USH2A: variants seen among roughly 807,000 people sequenced by gnomAD.
USH2A encodes usherin.
Under a neutral mutation model 538.9 loss-of-function variants are expected in USH2A, and 443 were observed. The observed-to-expected ratio is 0.82, with a 90% confidence interval of 0.76 to 0.89. The LOEUF (loss-of-function observed/expected upper bound fraction) is 0.89. Among genes scored for constraint, USH2A ranks in the 40% least tolerant of loss-of-function variants. The pLI is 0.00. For synonymous variants in USH2A, 2,413 were observed against 2,273.5 expected (o/e 1.06, Z -1.75); for missense variants, 6,633 against 6,324.8 (o/e 1.05, Z -1.65).
chr1:215,701,481 G>A lies in USH2A; in HGVS notation c.12067-21105C>T, dbSNP rs566416237. Among the ~76,000 whole-genome samples, 49 of 152,176 alleles carry A rather than the reference G, an allele frequency of 3.2e-4. 1 individual carries two copies. The highest frequency in any genetic ancestry group is 5.6e-4 in the Non-Finnish European group (38 of 68,036). ...TCTCTTTGCAGGTCTCTAAGAACTT[G>A]CTTTATGAATCTGGGTGCTCCTGTA... is the stretch of plus-strand genomic sequence containing the variant. On this transcript the variant is annotated intron_variant, in intron 61 of 71. Transcript: ENST00000307340.
intron 44 of USH2A, among the ~76,000 whole-genome samples, chr1:215,851,138 G>C (rs374967988): frequency 1.7e-4 from 26 of 152,050 alleles, no homozygotes; most frequent in East Asian, 5.8e-4. Flanking sequence ...CAAGGAACTA[G>C]AGAAACAAGT....
intron 47 of USH2A, among the ~76,000 whole-genome samples, chr1:215,837,429 T>G (rs1663563146): frequency 6.6e-6 from 1 of 152,148 alleles, no homozygotes; most frequent in Admixed American, 6.5e-5. Context: ...TACCAAATAT[T>G]ATTATTATTG....
intron 21 of USH2A, among the ~76,000 whole-genome samples, chr1:216,126,250 G>A (rs1010545823): frequency 6.6e-6 from 1 of 151,802 alleles, no homozygotes; most frequent in African/African-American, 2.4e-5. Context: ...TTGAGATGAG[G>A]TCTTGCTCTG....
intron 15 of USH2A, among the ~76,000 whole-genome samples, chr1:216,211,662 A>G (rs1169315085): frequency 6.6e-6 from 1 of 152,162 alleles, no homozygotes; most frequent in Non-Finnish European, 1.5e-5. Flanking sequence ...GCATTGTTCT[A>G]TTAACATTCC....
intron 47 of USH2A, among the ~76,000 whole-genome samples, chr1:215,831,167 A>G (rs1166135722): frequency 6.6e-6 from 1 of 152,178 alleles, no homozygotes; most frequent in Non-Finnish European, 1.5e-5. Context: ...AGACATTAAC[A>G]ATCCTAAACA....
At chr1:216,120,127 T>C (rs1300605094) in intron 21 of USH2A, among the ~76,000 whole-genome samples, 1 of 150,664 alleles carries the variant, frequency 6.6e-6, no homozygotes, top group African/African-American at 2.4e-5. Flanking sequence ...TTGTTTGAGA[T>C]ACTATTAATG....
chr1:216,381,086 G>A (rs758208929), intron 3 of USH2A, among the ~76,000 whole-genome samples: 3 of 152,092 alleles, frequency 2.0e-5, no homozygotes, highest in Non-Finnish European at 4.4e-5. Context: ...GAGCAGAGAG[G>A]AGAAAAGGAG....
At chr1:215,816,239 A>G (rs934907918) in intron 48 of USH2A, among the ~76,000 whole-genome samples, 6 of 152,106 alleles carry the variant, frequency 3.9e-5, no homozygotes, top group East Asian at 1.9e-4. Context: ...AGGCATAATG[A>G]TAATTTTAGA....
intron 32 of USH2A, among the ~76,000 whole-genome samples, chr1:216,045,592 G>A (rs543334246): frequency 3.3e-5 from 5 of 152,170 alleles, no homozygotes; most frequent in African/African-American, 9.7e-5. Flanking sequence ...TCATGTGAGA[G>A]AGGCATTTAT....
Position 215,933,778 on chromosome 1 carries a change from C to A in USH2A, c.7300+838G>T, listed in dbSNP as rs574420808. ...CATTCCTGGGAGATGGGCTACAGGG[C>A]AGATGCTGGATGTCCTGGGGTCCTT... On this transcript the variant is annotated intron_variant, in intron 38 of 71. Transcript: ENST00000307340. Among the ~76,000 whole-genome samples the A allele has an allele frequency of 2.2e-4, 34 of 152,062 alleles. No individual in the cohort carries two copies. The South Asian group carries it at 3.5e-3, about 16-fold the overall frequency.
intron 36 of USH2A, among the ~76,000 whole-genome samples, chr1:215,969,021 T>C (rs894459926): frequency 3.9e-5 from 6 of 152,154 alleles, no homozygotes; most frequent in Non-Finnish European, 8.8e-5. Flanking sequence ...GTGCTAGCCA[T>C]CCAGGGCTAT....
intron 32 of USH2A, among the ~76,000 whole-genome samples, chr1:216,005,545 C>G (rs1668371498): frequency 6.6e-6 from 1 of 152,074 alleles, no homozygotes; most frequent in African/African-American, 2.4e-5. Context: ...AGAAGGATAT[C>G]CCCATGCCCT....
chr1:216,325,303 ACCTGATACTGT>A lies in USH2A; in HGVS notation c.1134_1143+1del. 1 of 1,613,572 alleles carries A rather than the reference ACCTGATACTGT, an allele frequency of 6.2e-7. No homozygotes were observed. The highest frequency in any genetic ancestry group is 8.5e-7 in the Non-Finnish European group (1 of 1,179,774). On this transcript the variant is annotated splice_donor_variant and coding_sequence_variant, in exon 6 of 72. Transcript: ENST00000307340. LOFTEE classifies it high-confidence loss of function. Reference sequence around the variant, plus strand: ...AATGTACACCTTATCGTTTCTCATTACCTGATACTGTCCATTTTCCAAATCAACTGAAATAG... The same window carrying A: ...AATGTACACCTTATCGTTTCTCATTACCATTTTCCAAATCAACTGAAATAG...
rs397517983 is a variant in USH2A, at chr1:215,675,043, G to A, written c.12868C>T (p.Gln4290Ter). 6.2e-7 allele frequency: 1 copy of A among 1,614,154 alleles called. No individual in the cohort carries two copies. The highest frequency in any genetic ancestry group is 8.5e-7 in the Non-Finnish European group (1 of 1,180,018). ...TAGGACTGGATAATACCATTAGACT[G>A]TTCTGGTGGGATCCAGGAAATCAGC... is the stretch of plus-strand genomic sequence containing the variant. ...KLLISWIPPE[Q>*]SNGIIQSYRL... is the part of the protein sequence containing the mutation. The change falls in exon 63 of 72, where the codon CAG becomes TAG. Residue 4290 changes from glutamine to a stop codon, truncating the protein, a stop_gained. Coordinates refer to ENST00000307340, the MANE Select transcript of USH2A (RefSeq NM_206933.4). LOFTEE classifies it high-confidence loss of function.
chr1:215,810,774 A>T (rs1382989100), intron 49 of USH2A, among the ~76,000 whole-genome samples: 2 of 152,178 alleles, frequency 1.3e-5, no homozygotes, highest in African/African-American at 4.8e-5. Flanking sequence ...TGACATCGTG[A>T]GCTGTAGTAT....
intron 14 of USH2A, among the ~76,000 whole-genome samples, chr1:216,227,058 C>T (rs1346865060): frequency 1.3e-5 from 2 of 152,204 alleles, no homozygotes; most frequent in Non-Finnish European, 2.9e-5. Flanking sequence ...CCACTGACCC[C>T]TCCCTTTTTC....
chr1:215,706,639 G>C (rs1234159690), intron 61 of USH2A, among the ~76,000 whole-genome samples: 6 of 152,152 alleles, frequency 3.9e-5, no homozygotes, highest in Non-Finnish European at 1.5e-5. Flanking sequence ...TTAAGCAGTT[G>C]TGGCAGGATA....
At chr1:216,137,251 TG>T (rs1469416540) in intron 21 of USH2A, among the ~76,000 whole-genome samples, 1 of 152,142 alleles carries the variant, frequency 6.6e-6, no homozygotes, top group Admixed American at 6.5e-5. Flanking sequence ...TGTATTAGTT[TG>T]TTTTCACGCT....
chr1:216,228,721 A>C (rs535951916), intron 14 of USH2A, among the ~76,000 whole-genome samples: 5 of 152,176 alleles, frequency 3.3e-5, no homozygotes, highest in African/African-American at 9.7e-5. Context: ...TGTCTTTATC[A>C]GCAGCATGAA....
Sources: allele counts gnomAD v4.1 joint callset (sites outside exome capture counted in the v4.1 genomes callset), GRCh38; gene constraint gnomAD v4.1.1; transcripts MANE v1.5; gene names NCBI Gene and HGNC (gene_info 2026-07-23, HGNC 2026-07-21).